PEX5L: variants seen among roughly 807,000 people sequenced by gnomAD.
The protein encoded by PEX5L is peroxisomal biogenesis factor 5 like, also known as PEX5-related protein.
Under a neutral mutation model 84.0 loss-of-function variants are expected in PEX5L, and 30 were observed. That is an observed-to-expected ratio of 0.36 (90% CI 0.27 to 0.48). PEX5L has a LOEUF of 0.48. Among genes scored for constraint, PEX5L ranks in the 20% least tolerant of loss-of-function variants. PEX5L has a pLI of 0.99. For missense variants in PEX5L, 533 were observed against 754.6 expected (o/e 0.71, Z 3.44); for synonymous variants, 270 against 283.1 (o/e 0.95, Z 0.46).
chr3:180,035,592 T>A (rs1791833573), intron 1 of PEX5L, among the ~76,000 whole-genome samples: 3 of 152,200 alleles, frequency 2.0e-5, no homozygotes, highest in Non-Finnish European at 4.4e-5. Context: ...TAGTACTAAG[T>A]CATAAATATA....
rs1579268518 is a variant in PEX5L at position 179,994,123 on chromosome 3, A to C, written c.22-22458T>G. Among the ~76,000 whole-genome samples, 3 of 152,330 alleles carry C rather than the reference A, an allele frequency of 2.0e-5. 1 individual carries two copies. The Middle Eastern group carries it at 0.01, about 518-fold the overall frequency. On this transcript the variant is annotated intron_variant, in intron 1 of 14. Coordinates refer to ENST00000467460, the MANE Select transcript of PEX5L (RefSeq NM_016559.3). ...AGTTTATCTCTAATGGTGGACATTC[A>C]GGTTTTTAGATCAGTTTGCTGTTGT...
At chr3:179,985,253 A>T (rs79993707) in intron 1 of PEX5L, among the ~76,000 whole-genome samples, 4,753 of 152,296 alleles carry the variant, frequency 0.031, 224 homozygotes, top group African/African-American at 0.1. Context: ...CATGATTAGC[A>T]TAACAACATA....
chr3:179,824,958 C>A (rs1729878821), intron 8 of PEX5L, among the ~76,000 whole-genome samples: 1 of 152,146 alleles, frequency 6.6e-6, no homozygotes, highest in South Asian at 2.1e-4. Context: ...TATGTGGCTG[C>A]CCAAAGAACA....
chr3:180,007,312 G>T (rs373054142), intron 1 of PEX5L, among the ~76,000 whole-genome samples: 1 of 152,210 alleles, frequency 6.6e-6, no homozygotes, highest in East Asian at 1.9e-4. Flanking sequence ...GATGCAAGAG[G>T]TGGGTTCCCG....
rs539109785 is a variant in PEX5L at position 179,950,708 on chromosome 3, G to T, written c.93+20886C>A. Among the ~76,000 whole-genome samples, 130 of 152,196 alleles carry T rather than the reference G, an allele frequency of 8.5e-4. 1 individual carries two copies. Among genetic ancestry groups the T allele is most frequent in the Non-Finnish European group, 1.1e-3 (75 of 68,014 alleles). On this transcript the variant is annotated intron_variant, in intron 2 of 14. Coordinates refer to ENST00000467460, the MANE Select transcript of PEX5L (RefSeq NM_016559.3). ...AGTTGAAAATATTCAATGAGCATGT[G>T]GAAACAAAGGTAAGATCATGATAAC...
At chr3:179,963,871 A>G (rs1336622077) in intron 2 of PEX5L, among the ~76,000 whole-genome samples, 8 of 152,096 alleles carry the variant, frequency 5.3e-5, no homozygotes, top group Non-Finnish European at 1.0e-4. Context: ...TGATTGGAAA[A>G]GGCATTTGCA....
intron 8 of PEX5L, among the ~76,000 whole-genome samples, chr3:179,821,824 C>T (rs1194931413): frequency 6.6e-6 from 1 of 152,196 alleles, no homozygotes; most frequent in African/African-American, 2.4e-5. Flanking sequence ...AGATAAAAGA[C>T]TAGGAAGAAA....
At chr3:179,977,793 A>G (rs1339434445) in intron 1 of PEX5L, among the ~76,000 whole-genome samples, 1 of 152,232 alleles carries the variant, frequency 6.6e-6, no homozygotes, top group Non-Finnish European at 1.5e-5. Flanking sequence ...AGAATCATTT[A>G]CAGAGGGGCT....
chr3:180,028,911 T>C (rs1012964251), intron 1 of PEX5L, among the ~76,000 whole-genome samples: 2 of 152,206 alleles, frequency 1.3e-5, no homozygotes, highest in Admixed American at 6.5e-5. Flanking sequence ...ATTTAGAGAA[T>C]AGAAACATCA....
intron 2 of PEX5L, among the ~76,000 whole-genome samples, chr3:179,965,404 T>C (rs1783083475): frequency 6.6e-6 from 1 of 152,188 alleles, no homozygotes; most frequent in African/African-American, 2.4e-5. Context: ...TCTGAGCAGA[T>C]GCTATTATTG....
intron 7 of PEX5L, among the ~76,000 whole-genome samples, chr3:179,863,711 C>A (rs1747069802): frequency 6.6e-6 from 1 of 152,070 alleles, no homozygotes; most frequent in African/African-American, 2.4e-5. Flanking sequence ...GAGAAAAGAA[C>A]CCTTGTAAAC....
At chr3:179,814,454 G>A (rs1455439186) in intron 10 of PEX5L, among the ~76,000 whole-genome samples, 2 of 152,142 alleles carry the variant, frequency 1.3e-5, no homozygotes, top group African/African-American at 4.8e-5. Context: ...GGTAGAACAG[G>A]GATCTGAACC....
intron 9 of PEX5L, among the ~76,000 whole-genome samples, chr3:179,818,760 C>T (rs1383653674): frequency 6.6e-6 from 1 of 152,110 alleles, no homozygotes; most frequent in East Asian, 1.9e-4. Context: ...CCAATTCCAT[C>T]CATGTTGTTA....
At chr3:180,009,018 G>T (rs1401442666) in intron 1 of PEX5L, among the ~76,000 whole-genome samples, 2 of 152,176 alleles carry the variant, frequency 1.3e-5, no homozygotes, top group Non-Finnish European at 2.9e-5. Context: ...TATAAACATA[G>T]TGTTGATGAA....
At chr3:179,829,053 T>A (rs1731649031) in intron 8 of PEX5L, among the ~76,000 whole-genome samples, 1 of 152,212 alleles carries the variant, frequency 6.6e-6, no homozygotes, top group African/African-American at 2.4e-5. Flanking sequence ...TACTAACCAG[T>A]AATTTAAAAT....
chr3:179,991,601 G>A (rs1219026472), intron 1 of PEX5L, among the ~76,000 whole-genome samples: 1 of 152,102 alleles, frequency 6.6e-6, no homozygotes, highest in East Asian at 1.9e-4. Context: ...GCAGGATGAA[G>A]CTCTTTACCT....
chr3:180,034,112 T>C (rs1165008502), intron 1 of PEX5L, among the ~76,000 whole-genome samples: 1 of 152,214 alleles, frequency 6.6e-6, no homozygotes, highest in Non-Finnish European at 1.5e-5. Flanking sequence ...TAGACTATTT[T>C]TAAGTCTTCC....
chr3:179,841,332 T>A (rs1737207133), intron 8 of PEX5L, among the ~76,000 whole-genome samples: 1 of 152,142 alleles, frequency 6.6e-6, no homozygotes, highest in African/African-American at 2.4e-5. Flanking sequence ...CCATTCCACT[T>A]CCACTCCCTG....
At chr3:179,934,736 T>C (rs1774119911) in intron 2 of PEX5L, among the ~76,000 whole-genome samples, 1 of 152,198 alleles carries the variant, frequency 6.6e-6, no homozygotes, top group African/African-American at 2.4e-5. Context: ...CTTGTTTGGG[T>C]TTTTGCTGAA....
Sources: gnomAD v4.1 joint callset for allele counts (sites outside exome capture counted in the v4.1 genomes callset) on GRCh38, gnomAD v4.1.1 for gene constraint, MANE v1.5 for transcripts, NCBI Gene and HGNC (gene_info 2026-07-23, HGNC 2026-07-21) for gene names.